Variants in VPS13C observed in about 807,000 individuals in gnomAD.
The protein encoded by VPS13C is intermembrane lipid transfer protein VPS13C.
Under a neutral mutation model 456.8 loss-of-function variants are expected in VPS13C, and 358 were observed. The observed-to-expected ratio is 0.78, with a 90% CI of 0.72 to 0.86. VPS13C has a LOEUF of 0.86. VPS13C is among the 40% of genes least tolerant of loss of function. The pLI, the probability that VPS13C is intolerant of heterozygous loss-of-function variation, is 0.00. For synonymous variants in VPS13C, 1,578 were observed against 1,486.7 expected, an observed-to-expected ratio of 1.06 and a Z score of -1.41; for missense variants, 4,818 against 4,385.4, an observed-to-expected ratio of 1.10 and a Z score of -2.79.
intron 8 of VPS13C, among the ~76,000 whole-genome samples, chr15:62,022,330 T>A (rs2047492453): frequency 6.6e-6 from 1 of 151,948 alleles, no homozygotes; most frequent in Admixed American, 6.6e-5. Flanking sequence ...ATTTTTAGAT[T>A]CTGAGGAAAC....
intron 66 of VPS13C, chr15:61,906,925 A>T (rs556383592): frequency 4.3e-6 from 1 of 230,844 alleles, no homozygotes; most frequent in Non-Finnish European, 8.6e-6. Flanking sequence ...AAAAACTCAT[A>T]GCCAAAAGTG....
intron 18 of VPS13C, among the ~76,000 whole-genome samples, chr15:61,987,647 T>C (rs2046096148): frequency 6.6e-6 from 1 of 152,146 alleles, no homozygotes; most frequent in African/African-American, 2.4e-5. Context: ...CCTAACCGTA[T>C]AAACATCATT....
intron 53 of VPS13C, among the ~76,000 whole-genome samples, chr15:61,923,845 G>A (rs2043742212): frequency 7.3e-6 from 1 of 136,248 alleles, no homozygotes; most frequent in South Asian, 2.5e-4. Context: ...AGCCATATGT[G>A]ACCACCCCTC....
At chr15:61,906,303 A>C (rs996138063) in intron 66 of VPS13C, among the ~76,000 whole-genome samples, 1 of 152,168 alleles carries the variant, frequency 6.6e-6, no homozygotes, top group Non-Finnish European at 1.5e-5. Context: ...ACTGAGGTGG[A>C]ATCACCCTCT....
intron 66 of VPS13C, among the ~76,000 whole-genome samples, chr15:61,897,552 A>C (rs1239422755): frequency 1.3e-5 from 2 of 152,136 alleles, no homozygotes; most frequent in African/African-American, 4.8e-5. Flanking sequence ...AGTTTAGAGA[A>C]AAAAGAGTAA....
intron 32 of VPS13C, among the ~76,000 whole-genome samples, chr15:61,963,471 A>C (rs1341905222): frequency 6.6e-6 from 1 of 151,974 alleles, no homozygotes; most frequent in East Asian, 1.9e-4. Context: ...AATCATATGA[A>C]GGTAAAAAAA....
intron 47 of VPS13C, among the ~76,000 whole-genome samples, chr15:61,938,703 C>G (rs2044312466): frequency 6.6e-6 from 1 of 152,052 alleles, no homozygotes; most frequent in African/African-American, 2.4e-5. Flanking sequence ...TATAATCTTC[C>G]CCTGTGAATC....
At chr15:61,898,588 C>A (rs1406328585) in intron 66 of VPS13C, among the ~76,000 whole-genome samples, 1 of 151,578 alleles carries the variant, frequency 6.6e-6, no homozygotes, top group African/African-American at 2.4e-5. Context: ...CACAGGAGCA[C>A]CCAGATTCAT....
At chr15:61,951,099 TACACAA>T in intron 39 of VPS13C, 75 bp from the exon 40 acceptor site, 1 of 869,354 alleles carries the variant, frequency 1.2e-6, no homozygotes, top group Non-Finnish European at 1.8e-6. Flanking sequence ...CAGCCAAATG[TACACAA>T]ATATACATTT....
Position 62,033,535 on chromosome 15 carries a change from C to A in VPS13C, c.291G>T (p.Lys97Asn). The A allele has an allele frequency of 6.3e-7, 1 of 1,586,952 alleles. No homozygotes were observed. Among genetic ancestry groups the A allele is most frequent in the Non-Finnish European group, 8.6e-7 (1 of 1,164,014 alleles). Residue 97 changes from lysine (K) to asparagine (N), a missense_variant, in exon 5 of 85, where the codon AAG (lysine) becomes AAT (asparagine). Lys to Asn is a moderately conservative substitution (Grantham distance 94). Coordinates refer to ENST00000644861, the MANE Select transcript of VPS13C (RefSeq NM_020821.3). Reference protein sequence around the residue: ...YLLVVPGASIKYDAVKEEKSL... With the variant: ...YLLVVPGASINYDAVKEEKSL... ...ATTTTTCTTCTTTTACAGCATCATA[C>A]TTAATACCTAAAAATATACAGTCAA...
intron 49 of VPS13C, among the ~76,000 whole-genome samples, chr15:61,933,988 T>G (rs905744025): frequency 6.6e-6 from 1 of 152,136 alleles, no homozygotes; most frequent in African/African-American, 2.4e-5. Flanking sequence ...GTGCTGATAT[T>G]ACTTGGAAAG....
At position 61,941,721 on chromosome 15, in the gene VPS13C, T is replaced by C. The variant is rs949711190; in HGVS notation, c.5453+42A>G. 5 of 1,520,898 alleles carry C rather than the reference T, an allele frequency of 3.3e-6. No homozygotes were observed. The Admixed American group carries it at 8.5e-5, about 26-fold the overall frequency. 94.2% of individuals were successfully genotyped at this position (1,520,898 alleles called of 1,614,324 possible). A position where few individuals can be genotyped will look rare whatever the true frequency, so the allele number is the denominator to read the frequency against. Reference sequence around the variant, plus strand: ...TTAGGTAAAAATTGTATGAAAATCCTATTTCTAGTAAGCAATACACAATTA... The same window carrying C: ...TTAGGTAAAAATTGTATGAAAATCCCATTTCTAGTAAGCAATACACAATTA... On this transcript the variant is annotated intron_variant, in intron 46 of 84. Transcript: ENST00000644861.
At position 61,914,878 on chromosome 15, in the gene VPS13C, T is replaced by TAAAAAAAAAAAAAAAAAAAAAA. The variant is rs60910951; in HGVS notation, c.8445+733_8445+754dup. Among the ~76,000 whole-genome samples, 18 of 102,052 alleles carry TAAAAAAAAAAAAAAAAAAAAAA rather than the reference T, an allele frequency of 1.8e-4. 2 individuals are homozygous for TAAAAAAAAAAAAAAAAAAAAAA. Among genetic ancestry groups the TAAAAAAAAAAAAAAAAAAAAAA allele is most frequent in the East Asian group, 2.9e-4 (1 of 3,422 alleles). The allele number at this position is 102,052 out of a possible 152,430, so 67.0% of individuals were successfully genotyped here. Reference sequence around the variant, plus strand: ...ACCGAGCCTGGCCAAAACTCTGCCTTAAAAAAAAAAAAAAAAAAAAAAAAA... The same window carrying TAAAAAAAAAAAAAAAAAAAAAA: ...ACCGAGCCTGGCCAAAACTCTGCCTTAAAAAAAAAAAAAAAAAAAAAAAAAAAAAAAAAAAAAAAAAAAAAAA... On this transcript the variant is annotated intron_variant, in intron 61 of 84. Coordinates refer to ENST00000644861, the MANE Select transcript of VPS13C (RefSeq NM_020821.3).
At chr15:61,950,748 T>G (rs1347959690) in intron 40 of VPS13C, among the ~76,000 whole-genome samples, 197 bp downstream of exon 40, 2 of 152,026 alleles carry the variant, frequency 1.3e-5, no homozygotes, top group Non-Finnish European at 2.9e-5. Flanking sequence ...TTTAGGTTAT[T>G]ACCATTTATT....
chr15:62,010,533 G>GT lies in VPS13C; in HGVS notation c.949dup (p.Thr317AsnfsTer16). 1 of 1,613,418 alleles carries GT rather than the reference G, an allele frequency of 6.2e-7. No homozygotes were observed. Among genetic ancestry groups the GT allele is most frequent in the Non-Finnish European group, 8.5e-7 (1 of 1,179,718 alleles). ...TTCTATGTTGCAATCCAGTTTGGGCGTTTTGAGCTCTGATTCTGCATAAGG... is the reference window on the plus strand; with the variant it reads ...TTCTATGTTGCAATCCAGTTTGGGCGTTTTTGAGCTCTGATTCTGCATAAGG... On this transcript the variant is annotated frameshift_variant, in exon 13 of 85. Coordinates refer to ENST00000644861, the MANE Select transcript of VPS13C (RefSeq NM_020821.3). LOFTEE classifies it high-confidence loss of function.
chr15:61,940,863 G>T, intron 46 of VPS13C, 69 bp from the exon 47 acceptor site: 2 of 1,459,852 alleles, frequency 1.4e-6, no homozygotes, highest in Non-Finnish European at 9.2e-7. Flanking sequence ...ATCCTATTGT[G>T]TAACAGTTTC....
At chr15:61,863,551 G>A in intron 81 of VPS13C, 23 bp from the exon 82 acceptor site, 14 of 1,563,362 alleles carry the variant, frequency 9.0e-6, no homozygotes, top group Non-Finnish European at 1.2e-5. Context: ...CCAGGCTCTA[G>A]ATTTGGGAAG....
intron 51 of VPS13C, among the ~76,000 whole-genome samples, chr15:61,929,284 G>A (rs2043972960): frequency 6.6e-6 from 1 of 152,094 alleles, no homozygotes; most frequent in African/African-American, 2.4e-5. Flanking sequence ...TGGCACAGTT[G>A]GAACCAGCGG....
chr15:61,864,225 G>T, intron 81 of VPS13C: 1 of 664,736 alleles, frequency 1.5e-6, no homozygotes, highest in Non-Finnish European at 1.9e-6. Flanking sequence ...ATATTAATAT[G>T]AACAATTTCT....
Sources: allele counts gnomAD v4.1 joint callset (sites outside exome capture counted in the v4.1 genomes callset), GRCh38; gene constraint gnomAD v4.1.1; transcripts MANE v1.5; gene names NCBI Gene and HGNC (gene_info 2026-07-23, HGNC 2026-07-21).